Variants in PHIP observed in about 807,000 individuals in gnomAD.
PHIP encodes the protein PHIP subunit of CUL4-Ring ligase complex, also known as PH-interacting protein.
A neutral mutation model predicts 236.8 loss-of-function variants in PHIP; 54 were observed. The observed-to-expected ratio is 0.23, with a 90% CI of 0.18 to 0.29. The LOEUF is 0.29. Among genes scored for constraint, PHIP ranks in the 10% least tolerant of loss-of-function variants. PHIP has a pLI of 1.00. For missense variants in PHIP, 1,370 were observed against 2,190.8 expected (o/e 0.63, Z 7.48); for synonymous variants, 756 against 718.9 (o/e 1.05, Z -0.83).
chr6:79,045,850 A>G (rs891075053), intron 6 of PHIP, among the ~76,000 whole-genome samples: 4 of 152,212 alleles, frequency 2.6e-5, no homozygotes, highest in Admixed American at 2.6e-4. Context: ...ATTTATTTTC[A>G]TAAGTATAGT....
intron 31 of PHIP, 35 bp from the exon 32 acceptor site, chr6:78,958,635 T>G: frequency 7.6e-7 from 1 of 1,322,532 alleles, no homozygotes; most frequent in Non-Finnish European, 1.1e-6. Context: ...TTTAACTTCC[T>G]TATATTTAGA....
intron 24 of PHIP, among the ~76,000 whole-genome samples, chr6:78,972,846 A>C (rs1767700550): frequency 6.6e-6 from 1 of 152,220 alleles, no homozygotes; most frequent in Non-Finnish European, 1.5e-5. Flanking sequence ...ATAAAAAGAA[A>C]TGAGCAAAGC....
chr6:78,980,830 G>A (rs1272836509), intron 23 of PHIP, among the ~76,000 whole-genome samples: 3 of 151,990 alleles, frequency 2.0e-5, no homozygotes, highest in East Asian at 1.9e-4. Flanking sequence ...AAGAAAGACA[G>A]AAAAGTTTGA....
At chr6:78,958,758 T>A (rs1459856758) in intron 31 of PHIP, among the ~76,000 whole-genome samples, 158 bp from the exon 32 acceptor site, 1 of 152,022 alleles carries the variant, frequency 6.6e-6, no homozygotes, top group Non-Finnish European at 1.5e-5. Context: ...ATAACTGCAT[T>A]TGTGTTAGGG....
At chr6:79,001,596 A>T (rs1247481406) in intron 17 of PHIP, among the ~76,000 whole-genome samples, 1 of 152,092 alleles carries the variant, frequency 6.6e-6, no homozygotes, top group Non-Finnish European at 1.5e-5. Context: ...GACAGAAGAG[A>T]TTATCAATAA....
rs114088750 is a variant in PHIP, at chr6:79,041,300, T to C, written c.600+1543A>G. On this transcript the variant is annotated intron_variant, in intron 7 of 39. Transcript: ENST00000275034. ...CAAAAAGCTCTTCCAAGTCTGTACC[T>C]ACCACACTCATGAGATAGCAAAAAG... is the stretch of plus-strand genomic sequence containing the variant. Among the ~76,000 whole-genome samples the C allele has an allele frequency of 8.8e-3, 1,337 of 152,200 alleles. 20 individuals are homozygous for C. The highest frequency in any genetic ancestry group is 0.029 in the African/African-American group (1,210 of 41,556).
chr6:79,020,169 T>A (rs962064206), intron 9 of PHIP, among the ~76,000 whole-genome samples: 3 of 151,628 alleles, frequency 2.0e-5, no homozygotes, highest in Non-Finnish European at 2.9e-5. Flanking sequence ...TGCCTTTTTT[T>A]TAAAAAAAAG....
At chr6:79,027,565 G>A (rs1218988245) in intron 7 of PHIP, among the ~76,000 whole-genome samples, 1 of 152,092 alleles carries the variant, frequency 6.6e-6, no homozygotes, top group Non-Finnish European at 1.5e-5. Flanking sequence ...AAAGATATAA[G>A]AATGAGATAT....
Position 78,997,582 on chromosome 6 carries a change from G to A in PHIP, c.2033C>T (p.Thr678Ile). The change falls in exon 19 of 40, where the codon ACC (threonine) becomes ATC (isoleucine). Residue 678 changes from threonine to isoleucine, a missense_variant. By Grantham distance (89) the Thr-to-Ile change is moderately conservative (BLOSUM62 -1). Coordinates refer to ENST00000275034, the MANE Select transcript of PHIP (RefSeq NM_017934.7). ...GTTTGGTGGTGAATGAACCTCTGAG[G>A]TAGAACTTATGGAGCCTAAGTGAAA... ...SRLSRGSISS[T>I]SEVHSPPNVG... 2 of 1,612,864 alleles carry A rather than the reference G, an allele frequency of 1.2e-6. No individual in the cohort carries two copies. The highest frequency in any genetic ancestry group is 2.2e-5 in the South Asian group (2 of 90,970).
rs571212198 is a variant in PHIP, at chr6:79,023,701, T to C, written c.923+1818A>G. Among the ~76,000 whole-genome samples, 12 of 152,254 alleles carry C rather than the reference T, an allele frequency of 7.9e-5. No individual in the cohort carries two copies. In the East Asian group the frequency reaches 2.1e-3, roughly 27 times the overall value. On this transcript the variant is annotated intron_variant, in intron 9 of 39. Transcript: ENST00000275034. ...TACTGTATTAGGGTAGTGGTTTATA[T>C]GTGATTCTACATAAAGGTTCTGAAA...
rs752820576 is a variant in PHIP, at chr6:79,017,390, T to C, written c.1096-4A>G. 3.2e-6 allele frequency: 5 copies of C among 1,585,474 alleles called. No individual in the cohort carries two copies. In the Admixed American group the frequency reaches 8.6e-5, roughly 27 times the overall value. On this transcript the variant is annotated splice_region_variant and splice_polypyrimidine_tract_variant and intron_variant, in intron 11 of 39. Coordinates refer to ENST00000275034, the MANE Select transcript of PHIP (RefSeq NM_017934.7). ...ACTGGATACTGTCAACTTTGTCCTA[T>C]ATATAAACAAATAAACAAAAAAGTG... is the stretch of plus-strand genomic sequence containing the variant.
At chr6:79,065,805 C>G (rs1773594636) in intron 4 of PHIP, among the ~76,000 whole-genome samples, 1 of 139,916 alleles carries the variant, frequency 7.1e-6, no homozygotes, top group African/African-American at 2.6e-5. Context: ...CACACACACA[C>G]AGAATAAACA....
intron 30 of PHIP, 68 bp downstream of exon 30, chr6:78,963,029 A>G (rs1433736458): frequency 3.5e-6 from 5 of 1,421,310 alleles, no homozygotes; most frequent in Middle Eastern, 1.8e-4. Flanking sequence ...TTGTTGGAGA[A>G]TAACAGTATT....
At chr6:79,030,749 G>A (rs1307513748) in intron 7 of PHIP, among the ~76,000 whole-genome samples, 1 of 152,136 alleles carries the variant, frequency 6.6e-6, no homozygotes, top group South Asian at 2.1e-4. Context: ...ATGAGATTAC[G>A]AAGAGAGACC....
chr6:78,961,238 G>A (rs1766756018), intron 31 of PHIP, among the ~76,000 whole-genome samples: 1 of 151,838 alleles, frequency 6.6e-6, no homozygotes, highest in Non-Finnish European at 1.5e-5. Context: ...AGTGTTATAA[G>A]TAATGATAAG....
At chr6:79,007,682 C>A (rs1582212954) in intron 15 of PHIP, among the ~76,000 whole-genome samples, 2 of 135,666 alleles carry the variant, frequency 1.5e-5, no homozygotes, top group South Asian at 2.3e-4. Flanking sequence ...TTTTTAAGCA[C>A]ACCGTTCATT....
intron 32 of PHIP, chr6:78,956,300 T>A (rs1225483809): frequency 1.3e-5 from 2 of 152,152 alleles, no homozygotes; most frequent in Non-Finnish European, 2.9e-5. Context: ...ATAAACCCAA[T>A]TAGTGGTCAA....
Position 78,946,089 on chromosome 6 carries a change from A to T in PHIP, c.4542T>A (p.Asp1514Glu). 1 of 1,613,620 alleles carries T rather than the reference A, an allele frequency of 6.2e-7. No homozygotes were observed. Among genetic ancestry groups the T allele is most frequent in the Non-Finnish European group, 8.5e-7 (1 of 1,179,544 alleles). The change falls in exon 38 of 40, where the codon GAT becomes GAA. Residue 1514 changes from aspartate to glutamate, a missense_variant. This residue lies in a region of PHIP where 309 missense variants were observed against 328.3 expected (regional missense o/e 0.94). Transcript: ENST00000275034. ...TAGATGGTTGCTCAGTGACAACTGG[A>T]TCTACAACCACTCGGTTGCTTCTGG... ...VRTRSNRVVV[D>E]PVVTEQPSTS...
intron 27 of PHIP, 43 bp from the exon 28 acceptor site, chr6:78,966,099 G>A: frequency 8.4e-7 from 1 of 1,189,672 alleles, no homozygotes; most frequent in Admixed American, 1.7e-5. Flanking sequence ...GAAATGCATG[G>A]CTGCTGTCAC....
Sources: gnomAD v4.1 joint callset for allele counts (sites outside exome capture counted in the v4.1 genomes callset) on GRCh38, gnomAD v4.1.1 for gene constraint, gnomAD v4.1.1 regional missense constraint, MANE v1.5 for transcripts, NCBI Gene and HGNC (gene_info 2026-07-23, HGNC 2026-07-21) for gene names.